The following FAM114A2 variants were observed in gnomAD, a reference collection of about 807,000 sequenced individuals.
The protein encoded by FAM114A2 is family with sequence similarity 114 member A2, also known as protein FAM114A2.
A neutral mutation model predicts 58.4 loss-of-function variants in FAM114A2; 53 were observed. That is an observed-to-expected ratio of 0.91 (90% CI 0.73 to 1.14). The LOEUF (loss-of-function observed/expected upper bound fraction) is 1.14. FAM114A2 is among the 50% of genes most tolerant of loss of function. The pLI is 0.00. For missense variants in FAM114A2, 601 were observed against 581.1 expected (o/e 1.03, Z -0.35); for synonymous variants, 228 against 211.4 (o/e 1.08, Z -0.68).
At position 154,015,728 on chromosome 5, in the gene FAM114A2, A is replaced by C. The variant is rs1185471360; in HGVS notation, c.914-4408T>G. Among the ~76,000 whole-genome samples, 4 of 152,150 alleles carry C rather than the reference A, an allele frequency of 2.6e-5. No individual in the cohort carries two copies. The South Asian group carries it at 6.2e-4, about 24-fold the overall frequency. ...CAAAACAAGGTTCTTTAACACCCCC[A>C]AAAATCACACTAGCTCACCAGCAAT... On this transcript the variant is annotated intron_variant, in intron 8 of 13. Coordinates refer to ENST00000351797, the MANE Select transcript of FAM114A2 (RefSeq NM_018691.4).
At chr5:154,005,411 G>C (rs1258098408) in intron 9 of FAM114A2, among the ~76,000 whole-genome samples, 1 of 152,178 alleles carries the variant, frequency 6.6e-6, no homozygotes, top group Non-Finnish European at 1.5e-5. Flanking sequence ...ATGGACATCA[G>C]TCTCAGGACA....
intron 1 of FAM114A2, among the ~76,000 whole-genome samples, chr5:154,037,861 C>T (rs765636357): frequency 6.6e-6 from 1 of 152,086 alleles, no homozygotes; most frequent in East Asian, 1.9e-4. Flanking sequence ...CCAAAACAGT[C>T]CCTTTACTAA....
chr5:154,032,058 C>CT (rs1772240362), intron 4 of FAM114A2, among the ~76,000 whole-genome samples: 1 of 152,220 alleles, frequency 6.6e-6, no homozygotes, highest in African/African-American at 2.4e-5. Flanking sequence ...TACCTCTGCT[C>CT]TTTCCTTTTA....
chr5:154,003,010 T>C lies in FAM114A2; in HGVS notation c.994-41A>G, dbSNP rs540298284. ...ATTGGCCATCAACAATTCAATTCAG[T>C]TTACCAAAATTACTGTGCACCTACC... is the stretch of plus-strand genomic sequence containing the variant. On this transcript the variant is annotated intron_variant, in intron 9 of 13. Transcript: ENST00000351797. 6 of 1,600,932 alleles carry C rather than the reference T, an allele frequency of 3.7e-6. No homozygotes were observed. In the East Asian group the frequency reaches 1.1e-4, roughly 30 times the overall value.
Position 154,026,467 on chromosome 5 carries a change from T to A in FAM114A2, c.845A>T (p.Glu282Val), listed in dbSNP as rs1771778250. 2 of 1,577,004 alleles carry A rather than the reference T, an allele frequency of 1.3e-6. No individual in the cohort carries two copies. Among genetic ancestry groups the A allele is most frequent in the Non-Finnish European group, 1.7e-6 (2 of 1,159,744 alleles). The change falls in exon 8 of 14, where the codon GAA becomes GTA. Residue 282 changes from glutamate (E) to valine (V), a missense_variant. By Grantham distance (121) the Glu-to-Val change is moderately radical (BLOSUM62 -2). Transcript: ENST00000351797. The part of the protein sequence containing the change: ...SGEELETLKV[E>V]LEQLKETFSL... ...AAATGTTTCTTTGAGTTGCTCTAAT[T>A]CAACTTTTAGAGTCTCTAATTCTTC...
At chr5:154,033,529 C>A (rs1772328966) in intron 4 of FAM114A2, among the ~76,000 whole-genome samples, 1 of 152,038 alleles carries the variant, frequency 6.6e-6, no homozygotes, top group African/African-American at 2.4e-5. Context: ...ATATTCATGG[C>A]CTTATTTGTT....
At chr5:154,003,177 G>GTT (rs1554081252) in intron 9 of FAM114A2, among the ~76,000 whole-genome samples, 2,073 of 134,828 alleles carry the variant, frequency 0.015, 58 homozygotes, top group African/African-American at 0.053. Flanking sequence ...CTAATTGGTA[G>GTT]TATTTTTTTT....
At chr5:154,012,944 T>C (rs1770796748) in intron 8 of FAM114A2, among the ~76,000 whole-genome samples, 1 of 151,864 alleles carries the variant, frequency 6.6e-6, no homozygotes, top group Admixed American at 6.6e-5. Flanking sequence ...AAAATTCTAT[T>C]TTAGGGTATA....
At chr5:153,995,462 A>G (rs1769494349) in intron 12 of FAM114A2, among the ~76,000 whole-genome samples, 1 of 152,202 alleles carries the variant, frequency 6.6e-6, no homozygotes, top group Non-Finnish European at 1.5e-5. Flanking sequence ...CAGGAAACCC[A>G]GATCCTTTTG....
chr5:153,999,688 T>C (rs1255745802), intron 11 of FAM114A2, among the ~76,000 whole-genome samples: 1 of 151,650 alleles, frequency 6.6e-6, no homozygotes, highest in Non-Finnish European at 1.5e-5. Context: ...AGAATTCTTA[T>C]ACATTGTTAG....
chr5:154,031,240 A>C (rs985085773), intron 4 of FAM114A2, among the ~76,000 whole-genome samples: 2 of 141,956 alleles, frequency 1.4e-5, no homozygotes, highest in Non-Finnish European at 3.0e-5. Context: ...TGAACCCAAG[A>C]GGCAGAGGCT....
chr5:154,028,146 T>C lies in FAM114A2; in HGVS notation c.630+3A>G, dbSNP rs370349510. ...GAAGTAAACAGGTAAGGATAATCAG[T>C]ACCTGAGATAGTGTAGCATTTCGGT... On this transcript the variant is annotated splice_donor_region_variant and intron_variant, in intron 6 of 13. Coordinates refer to ENST00000351797, the MANE Select transcript of FAM114A2 (RefSeq NM_018691.4). The C allele has an allele frequency of 1.0e-4, 164 of 1,607,826 alleles. No individual in the cohort carries two copies. The highest frequency in any genetic ancestry group is 1.7e-4 in the Admixed American group (10 of 59,026).
chr5:153,995,046 A>G, intron 12 of FAM114A2, 74 bp from the exon 13 acceptor site: 1 of 873,702 alleles, frequency 1.1e-6, no homozygotes, highest in South Asian at 1.3e-5. Flanking sequence ...TCACACTTTA[A>G]AACACACACA....
intron 12 of FAM114A2, 168 bp from the exon 13 acceptor site, chr5:153,995,140 G>A: frequency 1.8e-6 from 1 of 563,942 alleles, no homozygotes; most frequent in East Asian, 2.8e-5. Context: ...AATTCTAAGT[G>A]TTTTAAACTT....
At chr5:153,998,090 T>C (rs1769705623) in intron 11 of FAM114A2, among the ~76,000 whole-genome samples, 1 of 152,142 alleles carries the variant, frequency 6.6e-6, no homozygotes, top group Non-Finnish European at 1.5e-5. Context: ...AAATAATAAA[T>C]AAAAAATTCC....
At position 154,034,371 on chromosome 5, in the gene FAM114A2, C is replaced by A. The variant is rs1581842786; in HGVS notation, c.217G>T (p.Val73Phe). 7 of 1,556,588 alleles carry A rather than the reference C, an allele frequency of 4.5e-6. No homozygotes were observed. Among genetic ancestry groups the A allele is most frequent in the Non-Finnish European group, 6.1e-6 (7 of 1,152,692 alleles). ...CTGGTCTGGGGTACATCTTTGGAAA[C>A]ATTATCCTAATTTCCCAGTAGGCAG... is the stretch of plus-strand genomic sequence containing the variant. ...TSKVLPIQDN[V>F]SKDVPQTRWG... is the part of the protein sequence containing the mutation. The change falls in exon 3 of 14, where the codon GTT becomes TTT. Residue 73 changes from valine to phenylalanine, a missense_variant. Physicochemically the swap from Val to Phe is conservative, Grantham distance 50. Transcript: ENST00000351797.
chr5:154,004,654 C>G (rs1770233041), intron 9 of FAM114A2, among the ~76,000 whole-genome samples: 1 of 152,138 alleles, frequency 6.6e-6, no homozygotes, highest in African/African-American at 2.4e-5. Flanking sequence ...TAGGGGCCAT[C>G]TTAGATTTTT....
Position 154,034,873 on chromosome 5 carries a change from G to C in FAM114A2, c.81C>G (p.Ala27=). The C allele has an allele frequency of 6.2e-7, 1 of 1,613,954 alleles. No individual in the cohort carries two copies. Among genetic ancestry groups the C allele is most frequent in the Non-Finnish European group, 8.5e-7 (1 of 1,179,884 alleles). Reference sequence around the variant, plus strand: ...CTTGGTCAACAGACTCAGAATTCTTGGCTGGCTCACAGTTTCCATCTTCAA... The same window carrying C: ...CTTGGTCAACAGACTCAGAATTCTTCGCTGGCTCACAGTTTCCATCTTCAA... ...PILEDGNCEP[A]KNSESVDQGA... Residue 27 remains alanine (A), a synonymous_variant, in exon 2 of 14, where the codon GCC becomes GCG. Transcript: ENST00000351797.
At chr5:154,005,062 T>A (rs1217389880) in intron 9 of FAM114A2, among the ~76,000 whole-genome samples, 1 of 152,218 alleles carries the variant, frequency 6.6e-6, no homozygotes, top group Non-Finnish European at 1.5e-5. Context: ...GTAACTTAAA[T>A]TCAGAACTTA....
Sources: gnomAD v4.1 joint callset for allele counts (sites outside exome capture counted in the v4.1 genomes callset) on GRCh38, gnomAD v4.1.1 for gene constraint, MANE v1.5 for transcripts, NCBI Gene and HGNC (gene_info 2026-07-23, HGNC 2026-07-21) for gene names.